Variants in MED12L observed in about 807,000 individuals in gnomAD.
MED12L encodes the protein mediator complex subunit 12L.
MED12L carries 60 observed loss-of-function variants against 281.3 expected under a neutral mutation model. The ratio of observed to expected loss-of-function variants is 0.21; its 90% CI spans 0.17 to 0.26. The LOEUF (loss-of-function observed/expected upper bound fraction) is 0.26. Ranked by LOEUF, MED12L falls within the 10% of genes least tolerant of loss-of-function variation. The pLI is 1.00. For missense variants in MED12L, 2,146 were observed against 2,680.9 expected (o/e 0.80, Z 4.41); for synonymous variants, 974 against 987.2 (o/e 0.99, Z 0.25).
At chr3:151,422,006 G>A (rs961961897) in intron 43 of MED12L, among the ~76,000 whole-genome samples, 8 of 152,116 alleles carry the variant, frequency 5.3e-5, no homozygotes. Flanking sequence ...TTGTCCTGCT[G>A]CTATCTGGTG....
At chr3:151,162,552 C>T (rs532424505) in intron 8 of MED12L, among the ~76,000 whole-genome samples, 2 of 151,558 alleles carry the variant, frequency 1.3e-5, no homozygotes, top group East Asian at 1.9e-4. Context: ...GATCCTCCCC[C>T]CTCAGCCTCC....
At chr3:151,122,298 T>G (rs1320932821) in intron 3 of MED12L, among the ~76,000 whole-genome samples, 1 of 152,230 alleles carries the variant, frequency 6.6e-6, no homozygotes, top group Admixed American at 6.5e-5. Context: ...TTCTCTAGAC[T>G]CTTTGTTTAA....
At chr3:151,404,798 T>C (rs541871603) in intron 39 of MED12L, among the ~76,000 whole-genome samples, 3 of 152,354 alleles carry the variant, frequency 2.0e-5, no homozygotes, top group African/African-American at 7.2e-5. Flanking sequence ...ACTAGTAAAT[T>C]GAGTGGATAG....
At chr3:151,155,781 C>T (rs557776248) in intron 5 of MED12L, among the ~76,000 whole-genome samples, 5 of 152,314 alleles carry the variant, frequency 3.3e-5, no homozygotes, top group African/African-American at 7.2e-5. Flanking sequence ...CTCCCCTTCA[C>T]GATTCTGTCC....
At chr3:151,155,776 C>T (rs373627319) in intron 5 of MED12L, among the ~76,000 whole-genome samples, 3 of 152,272 alleles carry the variant, frequency 2.0e-5, no homozygotes, top group African/African-American at 4.8e-5. Context: ...GAGATCTCCC[C>T]TTCACGATTC....
At chr3:151,278,232 C>G (rs1742218882) in intron 16 of MED12L, 1 of 152,192 alleles carries the variant, frequency 6.6e-6, no homozygotes, top group African/African-American at 2.4e-5. Flanking sequence ...CTTTTCTGTT[C>G]CCATGCACCA....
chr3:151,411,206 C>G (rs1410313719), intron 40 of MED12L, 72 bp from the exon 41 acceptor site: 1 of 1,345,926 alleles, frequency 7.4e-7, no homozygotes. Flanking sequence ...GTTTTTGCCC[C>G]ATATATCGTA....
Position 151,192,507 on chromosome 3 carries a change from T to C in MED12L, c.1969-43T>C, listed in dbSNP as rs140844145. The C allele has an allele frequency of 3.6e-4, 493 of 1,377,228 alleles. 1 individual carries two copies. The African/African-American group carries it at 6.1e-3, about 17-fold the overall frequency. The allele number at this position is 1,377,228 out of a possible 1,614,324, so 85.3% of individuals were successfully genotyped here. A position where few individuals can be genotyped will look rare whatever the true frequency, so the allele number is the denominator to read the frequency against. On this transcript the variant is annotated intron_variant, in intron 14 of 44. Coordinates refer to ENST00000687756, the MANE Select transcript of MED12L (RefSeq NM_001393769.1). ...TTTTAGCTTCAGTTTCTTGATGAACTCCAAAACTTACAATGTTACTTTCTT... is the reference window on the plus strand; with the variant it reads ...TTTTAGCTTCAGTTTCTTGATGAACCCCAAAACTTACAATGTTACTTTCTT...
intron 44 of MED12L, among the ~76,000 whole-genome samples, chr3:151,431,514 A>G (rs1719504577): frequency 6.6e-6 from 1 of 152,186 alleles, no homozygotes; most frequent in Non-Finnish European, 1.5e-5. Flanking sequence ...AATGTCAGTT[A>G]AATCAAGTAA....
chr3:151,272,600 A>G (rs1741148664), intron 16 of MED12L, among the ~76,000 whole-genome samples: 2 of 152,184 alleles, frequency 1.3e-5, no homozygotes, highest in South Asian at 4.1e-4. Context: ...ATACTCGGGA[A>G]AGGTTGTTTG....
At chr3:151,122,627 C>A (rs1180099140) in intron 3 of MED12L, among the ~76,000 whole-genome samples, 156 bp from the exon 4 acceptor site, 1 of 152,194 alleles carries the variant, frequency 6.6e-6, no homozygotes, top group Non-Finnish European at 1.5e-5. Flanking sequence ...GTAAGGAAAT[C>A]ACATCTCTTG....
intron 16 of MED12L, among the ~76,000 whole-genome samples, chr3:151,205,430 C>CA (rs1411950381): frequency 1.3e-5 from 2 of 152,230 alleles, no homozygotes; most frequent in African/African-American, 2.4e-5. Flanking sequence ...CCTATCCATA[C>CA]AAAACGTGCT....
At chr3:151,178,330 A>G (rs1236040043) in intron 11 of MED12L, among the ~76,000 whole-genome samples, 2 of 152,112 alleles carry the variant, frequency 1.3e-5, no homozygotes, top group Non-Finnish European at 2.9e-5. Context: ...GTGTATATTT[A>G]AAGCCAAAAG....
intron 16 of MED12L, among the ~76,000 whole-genome samples, chr3:151,348,572 T>G (rs1386572860): frequency 2.0e-5 from 3 of 150,204 alleles, no homozygotes; most frequent in East Asian, 1.9e-4. Context: ...GCTCCTAGCT[T>G]CTTTTTTTTT....
intron 2 of MED12L, among the ~76,000 whole-genome samples, chr3:151,102,338 A>G (rs1721486501): frequency 6.6e-6 from 1 of 152,206 alleles, no homozygotes; most frequent in African/African-American, 2.4e-5. Context: ...GAGGCTGAGA[A>G]GTGCTAACAG....
intron 26 of MED12L, among the ~76,000 whole-genome samples, 181 bp from the exon 27 acceptor site, chr3:151,372,386 A>G (rs1256655077): frequency 6.6e-6 from 1 of 152,088 alleles, no homozygotes; most frequent in Admixed American, 6.5e-5. Flanking sequence ...TCTGTTAGAA[A>G]CTTCTCTGGG....
intron 2 of MED12L, among the ~76,000 whole-genome samples, chr3:151,100,747 A>G (rs919769476): frequency 1.3e-5 from 2 of 152,174 alleles, no homozygotes; most frequent in Non-Finnish European, 2.9e-5. Flanking sequence ...TGGAGACACT[A>G]TTTACATTTC....
intron 39 of MED12L, among the ~76,000 whole-genome samples, chr3:151,408,338 A>G (rs995821950): frequency 5.3e-5 from 8 of 152,228 alleles, no homozygotes; most frequent in Non-Finnish European, 1.0e-4. Context: ...TCCCTGCTAG[A>G]AATACCTACA....
At chr3:151,116,470 C>T in intron 3 of MED12L, 28 bp downstream of exon 3, 1 of 1,488,316 alleles carries the variant, frequency 6.7e-7, no homozygotes, top group Non-Finnish European at 9.3e-7. Context: ...TTTCCTCAAA[C>T]TCCTGAAAAA....
Sources: allele counts gnomAD v4.1 joint callset (sites outside exome capture counted in the v4.1 genomes callset), GRCh38; gene constraint gnomAD v4.1.1; transcripts MANE v1.5; gene names NCBI Gene and HGNC (gene_info 2026-07-23, HGNC 2026-07-21).